Variants in RSPO2 observed in about 807,000 individuals in gnomAD.
RSPO2 encodes R-spondin-2.
Under a neutral mutation model 30.9 loss-of-function variants are expected in RSPO2, and 14 were observed. The ratio of observed to expected loss-of-function variants is 0.45; its 90% CI spans 0.30 to 0.71. The LOEUF (loss-of-function observed/expected upper bound fraction) is 0.71, where lower values mean the gene tolerates loss of function less well. Among genes scored for constraint, RSPO2 ranks in the 30% least tolerant of loss-of-function variants. RSPO2 has a pLI of 0.08. For synonymous variants in RSPO2, 107 were observed against 96.4 expected, an observed-to-expected ratio of 1.11 and a Z score of -0.64; for missense variants, 264 against 301.9, an observed-to-expected ratio of 0.87 and a Z score of 0.93.
intron 3 of RSPO2, among the ~76,000 whole-genome samples, chr8:107,971,035 G>A (rs16877043): frequency 0.028 from 4,279 of 152,250 alleles, 181 homozygotes; most frequent in African/African-American, 0.083. Context: ...TAACTGCCTC[G>A]CAGGATTTCC....
At chr8:108,056,392 G>A (rs1487645236) in intron 2 of RSPO2, among the ~76,000 whole-genome samples, 1 of 151,950 alleles carries the variant, frequency 6.6e-6, no homozygotes, top group Non-Finnish European at 1.5e-5. Context: ...GCCAAAGCAG[G>A]CAGATCGCTT....
chr8:107,976,911 CTAAGA>C (rs1475940564), intron 3 of RSPO2, among the ~76,000 whole-genome samples: 2 of 152,108 alleles, frequency 1.3e-5, no homozygotes, highest in African/African-American at 4.8e-5. Context: ...TAAATTAGTT[CTAAGA>C]TACAAGACAC....
intron 5 of RSPO2, among the ~76,000 whole-genome samples, chr8:107,950,798 T>C (rs1813217979): frequency 6.6e-6 from 1 of 152,128 alleles, no homozygotes; most frequent in Non-Finnish European, 1.5e-5. Flanking sequence ...ACAAAGTAAT[T>C]TTATCATCTT....
intron 5 of RSPO2, among the ~76,000 whole-genome samples, chr8:107,951,347 C>G (rs1240384250): frequency 6.6e-6 from 1 of 151,948 alleles, no homozygotes; most frequent in African/African-American, 2.4e-5. Context: ...CCACCAGGCC[C>G]AACTGAGAAT....
chr8:108,009,970 G>A (rs1221877115), intron 2 of RSPO2, among the ~76,000 whole-genome samples: 1 of 152,002 alleles, frequency 6.6e-6, no homozygotes, highest in African/African-American at 2.4e-5. Context: ...GATCACTTGA[G>A]CTTGGGAGGC....
chr8:108,032,025 G>C (rs1183094098), intron 2 of RSPO2, among the ~76,000 whole-genome samples: 3 of 152,118 alleles, frequency 2.0e-5, no homozygotes, highest in Non-Finnish European at 1.5e-5. Flanking sequence ...ACAGATTGTA[G>C]CTACAGCTAC....
At chr8:108,050,179 T>C (rs1368336015) in intron 2 of RSPO2, among the ~76,000 whole-genome samples, 1 of 152,186 alleles carries the variant, frequency 6.6e-6, no homozygotes, top group East Asian at 1.9e-4. Context: ...TCAAACCACT[T>C]TTGTTTCTAA....
At chr8:107,908,422 C>G (rs749818301) in intron 5 of RSPO2, among the ~76,000 whole-genome samples, 3 of 151,996 alleles carry the variant, frequency 2.0e-5, no homozygotes, top group African/African-American at 4.8e-5. Flanking sequence ...TTCATAAATA[C>G]TTTAGGTTAA....
intron 3 of RSPO2, among the ~76,000 whole-genome samples, chr8:107,979,253 T>C (rs1045494523): frequency 1.3e-5 from 2 of 152,236 alleles, no homozygotes; most frequent in Non-Finnish European, 2.9e-5. Context: ...GAGGCACTAT[T>C]CACAGTAGCA....
At chr8:107,915,523 A>T (rs1481113506) in intron 5 of RSPO2, among the ~76,000 whole-genome samples, 1 of 152,062 alleles carries the variant, frequency 6.6e-6, no homozygotes, top group South Asian at 2.1e-4. Flanking sequence ...GAATAGAAGG[A>T]TAGTTTGGAA....
At chr8:108,016,588 T>C (rs1352441055) in intron 2 of RSPO2, among the ~76,000 whole-genome samples, 1 of 152,184 alleles carries the variant, frequency 6.6e-6, no homozygotes, top group Non-Finnish European at 1.5e-5. Flanking sequence ...GGATAGGAAA[T>C]GTAACCAATA....
chr8:108,055,506 T>C (rs545594869), intron 2 of RSPO2, among the ~76,000 whole-genome samples: 1 of 152,194 alleles, frequency 6.6e-6, no homozygotes, highest in South Asian at 2.1e-4. Flanking sequence ...GAAAGATCAG[T>C]GGGAAGGCCA....
Position 108,012,073 on chromosome 8 carries a change from C to T in RSPO2, c.95-22829G>A, listed in dbSNP as rs149282233. On this transcript the variant is annotated intron_variant, in intron 2 of 5. Transcript: ENST00000276659. ...TAGGTGGAAAGAAAATATTTCTAGA[C>T]GAATTCAACATCCAAATAACTATAG... Among the ~76,000 whole-genome samples the T allele has an allele frequency of 3.3e-3, 497 of 152,226 alleles. 8 individuals carry two copies. In the South Asian group the frequency reaches 0.045, roughly 14 times the overall value.
chr8:108,029,001 T>C (rs922385852), intron 2 of RSPO2, among the ~76,000 whole-genome samples: 1 of 147,544 alleles, frequency 6.8e-6, no homozygotes, highest in Admixed American at 6.8e-5. Context: ...GTTCAAATTC[T>C]AGTGCTGGTA....
intron 2 of RSPO2, among the ~76,000 whole-genome samples, chr8:108,018,879 G>A (rs912952309): frequency 2.0e-5 from 3 of 152,038 alleles, no homozygotes; most frequent in African/African-American, 7.2e-5. Flanking sequence ...AGAAAACAAC[G>A]TTCATGCCAG....
At chr8:107,969,759 C>A (rs1586588008) in intron 3 of RSPO2, among the ~76,000 whole-genome samples, 1 of 152,260 alleles carries the variant, frequency 6.6e-6, no homozygotes, top group African/African-American at 2.4e-5. Context: ...TGAAAAGTTT[C>A]AAAAATTGTA....
At chr8:108,072,048 G>A (rs1812862865) in intron 2 of RSPO2, among the ~76,000 whole-genome samples, 1 of 152,080 alleles carries the variant, frequency 6.6e-6, no homozygotes, top group African/African-American at 2.4e-5. Context: ...TATTTTTGGG[G>A]GTGAGCAGAT....
At chr8:107,997,839 CAT>C (rs1815083977) in intron 2 of RSPO2, among the ~76,000 whole-genome samples, 1 of 152,190 alleles carries the variant, frequency 6.6e-6, no homozygotes, top group Non-Finnish European at 1.5e-5. Context: ...ACATTTATCT[CAT>C]AGAGTATTTT....
At chr8:107,995,801 T>C (rs1814999784) in intron 2 of RSPO2, among the ~76,000 whole-genome samples, 1 of 152,118 alleles carries the variant, frequency 6.6e-6, no homozygotes, top group Non-Finnish European at 1.5e-5. Flanking sequence ...TCACTTCTCA[T>C]TTGAATAGTT....
Sources: allele counts gnomAD v4.1 joint callset (sites outside exome capture counted in the v4.1 genomes callset), GRCh38; gene constraint gnomAD v4.1.1; transcripts MANE v1.5; gene names NCBI Gene and HGNC (gene_info 2026-07-23, HGNC 2026-07-21).